Variants in TBC1D7 observed in about 807,000 individuals in gnomAD.
TBC1D7 encodes the protein TBC1 domain family member 7.
In TBC1D7, 33 loss-of-function variants were observed where a neutral mutation model predicts 35.3. The observed-to-expected ratio is 0.93, with a 90% confidence interval of 0.71 to 1.25. TBC1D7 has a LOEUF of 1.25. Among genes scored for constraint, TBC1D7 ranks in the 50% most tolerant of loss-of-function variants. TBC1D7 has a pLI of 0.00. For synonymous variants in TBC1D7, 135 were observed against 129.5 expected (o/e 1.04, Z -0.29); for missense variants, 362 against 365.3 (o/e 0.99, Z 0.07).
intron 1 of TBC1D7, 63 bp from the exon 2 acceptor site, chr6:13,326,969 A>G: frequency 1.1e-6 from 1 of 902,084 alleles, no homozygotes; most frequent in Non-Finnish European, 1.7e-6. Flanking sequence ...TGAGTCTAGA[A>G]ACAAAGAGTC....
Position 13,325,848 on chromosome 6 carries a change from C to T in TBC1D7, c.113-674G>A, listed in dbSNP as rs75292637. Among the ~76,000 whole-genome samples the T allele has an allele frequency of 6.7e-3, 1,014 of 152,232 alleles. 12 individuals carry two copies. The highest frequency in any genetic ancestry group is 0.023 in the African/African-American group (965 of 41,518). ...ACTGAAGTTCAAAGCAGTTAAATGA[C>T]TTGATCAAACTAACATAGCTATTAA... is the stretch of plus-strand genomic sequence containing the variant. On this transcript the variant is annotated intron_variant, in intron 2 of 7. Transcript: ENST00000379300.
At chr6:13,326,642 T>C (rs1224886143) in intron 2 of TBC1D7, 145 bp downstream of exon 2, 2 of 466,012 alleles carry the variant, frequency 4.3e-6, no homozygotes, top group Non-Finnish European at 7.4e-6. Context: ...AAAAATCTTT[T>C]CTCAAAATAC....
In TBC1D7 at chr6:13,308,516, C is replaced by A. The variant is rs1042208406; in HGVS notation, c.520-771G>T. 2.6e-5 allele frequency among the ~76,000 whole-genome samples: 4 copies of A among 152,228 alleles called. No homozygotes were observed. The East Asian group carries it at 7.7e-4, about 29-fold the overall frequency. On this transcript the variant is annotated intron_variant, in intron 5 of 7. Coordinates refer to ENST00000379300, the MANE Select transcript of TBC1D7 (RefSeq NM_016495.6). ...GAGCTAATAAAGCCAGCTCCCCAAA[C>A]CTGGCCAAATCCATCTTGCATTGGC...
intron 3 of TBC1D7, among the ~76,000 whole-genome samples, chr6:13,324,768 A>G (rs1248300796): frequency 1.2e-4 from 19 of 152,224 alleles, no homozygotes. Flanking sequence ...TTAGCTCAAA[A>G]GCTTCAGTTT....
intron 6 of TBC1D7, 102 bp downstream of exon 6, chr6:13,307,498 A>G: frequency 8.3e-7 from 1 of 1,210,060 alleles, no homozygotes; most frequent in Non-Finnish European, 1.2e-6. Context: ...AAATTACTGT[A>G]TTGTTCTAAA....
chr6:13,312,459 G>A (rs762231715), intron 5 of TBC1D7, among the ~76,000 whole-genome samples: 1 of 152,088 alleles, frequency 6.6e-6, no homozygotes, highest in Non-Finnish European at 1.5e-5. Context: ...GGCCGAGTGG[G>A]GGCAGATCAC....
intron 5 of TBC1D7, among the ~76,000 whole-genome samples, chr6:13,316,159 T>C (rs1348812829): frequency 6.6e-6 from 1 of 152,214 alleles, no homozygotes; most frequent in Non-Finnish European, 1.5e-5. Context: ...CCTGGATTCT[T>C]AGCTTCTGGT....
intron 4 of TBC1D7, chr6:13,319,522 G>A (rs1783877144): frequency 6.6e-6 from 1 of 150,740 alleles, no homozygotes; most frequent in African/African-American, 2.4e-5. Flanking sequence ...AGACGTGGCA[G>A]CTAAATGTAA....
chr6:13,309,929 T>C (rs1451693969), intron 5 of TBC1D7, among the ~76,000 whole-genome samples: 1 of 152,210 alleles, frequency 6.6e-6, no homozygotes, highest in Admixed American at 6.5e-5. Context: ...TATAAAAACA[T>C]GCTCAACCTT....
At chr6:13,306,204 A>C in intron 7 of TBC1D7, 194 bp downstream of exon 7, 1 of 424,366 alleles carries the variant, frequency 2.4e-6, no homozygotes, top group Non-Finnish European at 3.9e-6. Flanking sequence ...ATTCAAAATC[A>C]AATCAAATTA....
intron 5 of TBC1D7, among the ~76,000 whole-genome samples, chr6:13,310,599 C>T (rs1783125973): frequency 7.0e-6 from 1 of 143,258 alleles, no homozygotes; most frequent in Admixed American, 7.6e-5. Context: ...GATTGTACCA[C>T]TGCACTTCAG....
chr6:13,320,990 T>A lies in TBC1D7; in HGVS notation c.299A>T (p.Asp100Val), dbSNP rs564495481. The A allele has an allele frequency of 7.4e-6, 12 of 1,614,158 alleles. No homozygotes were observed. The highest frequency in any genetic ancestry group is 1.0e-5 in the Non-Finnish European group (12 of 1,180,022). ...HALKVVRFVS[D>V]ATPQAEVYLR... ...ATAGACTTCAGCCTGAGGTGTGGCA[T>A]CACTAACAAAGCGAACGACTTTCAG... Residue 100 changes from aspartate (D) to valine (V), a missense_variant, in exon 4 of 8, where the codon GAT (aspartate) becomes GTT (valine). By Grantham distance (152) the Asp-to-Val change is radical (BLOSUM62 -3). Coordinates refer to ENST00000379300, the MANE Select transcript of TBC1D7 (RefSeq NM_016495.6).
chr6:13,320,469 G>T, intron 4 of TBC1D7: 1 of 420,806 alleles, frequency 2.4e-6, no homozygotes. Flanking sequence ...AAAAAAAAAT[G>T]TGTTTAAAAA....
intron 5 of TBC1D7, 70 bp from the exon 6 acceptor site, chr6:13,307,815 G>C: frequency 6.8e-7 from 1 of 1,476,316 alleles, no homozygotes; most frequent in East Asian, 2.3e-5. Context: ...TATAGTCTCT[G>C]ATGAAAAAAA....
rs201991842 is a variant in TBC1D7, at chr6:13,305,091, G to C, written c.*10C>G. ...GTGCCTGGCAGACGGTCCACAACCA[G>C]CGGGTGCGTTCAGCTTGAATGGACC... On this transcript the variant is annotated 3_prime_UTR_variant, in exon 8 of 8. Transcript: ENST00000379300. 4.7e-5 allele frequency: 76 copies of C among 1,602,870 alleles called. No homozygotes were observed. Among genetic ancestry groups the C allele is most frequent in the Non-Finnish European group, 6.3e-5 (74 of 1,173,670 alleles).
chr6:13,306,207 T>C, intron 7 of TBC1D7, 191 bp downstream of exon 7: 1 of 435,496 alleles, frequency 2.3e-6, no homozygotes, highest in Non-Finnish European at 3.8e-6. Context: ...CAAAATCAAA[T>C]CAAATTATTA....
chr6:13,315,716 C>CA (rs746049186), intron 5 of TBC1D7, among the ~76,000 whole-genome samples: 4 of 151,664 alleles, frequency 2.6e-5, no homozygotes, highest in Admixed American at 1.3e-4. Flanking sequence ...GACTCCATCT[C>CA]AAAAAAACAA....
chr6:13,307,574 A>G, intron 6 of TBC1D7, 26 bp downstream of exon 6: 1 of 1,613,116 alleles, frequency 6.2e-7, no homozygotes, highest in Non-Finnish European at 8.5e-7. Context: ...CCAAGCCTTC[A>G]ATATGTCTTC....
At chr6:13,318,538 AT>A (rs1327187144) in intron 4 of TBC1D7, among the ~76,000 whole-genome samples, 1 of 152,218 alleles carries the variant, frequency 6.6e-6, no homozygotes, top group Non-Finnish European at 1.5e-5. Flanking sequence ...AATTATTCCA[AT>A]TATTTTTTAG....
Sources: gnomAD v4.1 joint callset for allele counts (sites outside exome capture counted in the v4.1 genomes callset) on GRCh38, gnomAD v4.1.1 for gene constraint, MANE v1.5 for transcripts, NCBI Gene and HGNC (gene_info 2026-07-23, HGNC 2026-07-21) for gene names.